TRAF3IP3: variants seen among roughly 807,000 people sequenced by gnomAD.
TRAF3IP3 encodes the protein TRAF3-interacting JNK-activating modulator.
TRAF3IP3 carries 64 observed loss-of-function variants against 86.5 expected under a neutral mutation model. The ratio of observed to expected loss-of-function variants is 0.74; its 90% CI spans 0.60 to 0.91. The LOEUF is 0.91. Among genes scored for constraint, TRAF3IP3 ranks in the 40% least tolerant of loss-of-function variants. The pLI is 0.00. For missense variants in TRAF3IP3, 579 were observed against 642.9 expected, an observed-to-expected ratio of 0.90 and a Z score of 1.07; for synonymous variants, 220 against 243.9, an observed-to-expected ratio of 0.90 and a Z score of 0.91.
At chr1:209,781,235 G>A (rs1291750655) in intron 15 of TRAF3IP3, 110 bp from the exon 16 acceptor site, 3 of 658,882 alleles carry the variant, frequency 4.6e-6, no homozygotes, top group Admixed American at 4.8e-5. Flanking sequence ...GGGAAGGGAA[G>A]ATGGTGGTAA....
intron 9 of TRAF3IP3, among the ~76,000 whole-genome samples, chr1:209,773,488 T>G (rs1558024563): frequency 1.3e-5 from 2 of 152,286 alleles, no homozygotes; most frequent in South Asian, 2.1e-4. Context: ...GCTCTTTTAC[T>G]TGGCTCTTCT....
chr1:209,781,220 TG>T (rs753251883), intron 15 of TRAF3IP3, 124 bp from the exon 16 acceptor site: 6 of 601,692 alleles, frequency 1.0e-5, no homozygotes, highest in Non-Finnish European at 1.8e-5. Context: ...TCCCTGAGAA[TG>T]GCTGGGAAGG....
chr1:209,772,677 C>A (rs1157696969), intron 8 of TRAF3IP3, among the ~76,000 whole-genome samples: 2 of 150,758 alleles, frequency 1.3e-5, no homozygotes, highest in Non-Finnish European at 2.9e-5. Flanking sequence ...TCCGGGGCCC[C>A]CCTGCTATGC....
At chr1:209,756,488 A>G (rs1310538106) in intron 1 of TRAF3IP3, among the ~76,000 whole-genome samples, 179 bp downstream of exon 1, 2 of 152,260 alleles carry the variant, frequency 1.3e-5, no homozygotes, top group African/African-American at 4.8e-5. Flanking sequence ...GGCGCTAGCC[A>G]TGGCACAGGG....
At chr1:209,772,176 A>G (rs1325043164) in intron 8 of TRAF3IP3, among the ~76,000 whole-genome samples, 1 of 152,074 alleles carries the variant, frequency 6.6e-6, no homozygotes, top group Non-Finnish European at 1.5e-5. Context: ...CTTCAAAAAC[A>G]AACTTATTTT....
At chr1:209,775,320 G>A (rs1346159773) in intron 9 of TRAF3IP3, 29 bp from the exon 10 acceptor site, 2 of 1,587,870 alleles carry the variant, frequency 1.3e-6, no homozygotes, top group Non-Finnish European at 1.7e-6. Context: ...AGCTCAATGT[G>A]TATTTGTTGA....
At chr1:209,764,731 G>A (rs1371693559) in intron 8 of TRAF3IP3, among the ~76,000 whole-genome samples, 3 of 134,132 alleles carry the variant, frequency 2.2e-5, no homozygotes, top group Non-Finnish European at 4.6e-5. Flanking sequence ...ACAAAAGAGC[G>A]AGACTCCATC....
At chr1:209,765,090 G>A (rs958000810) in intron 8 of TRAF3IP3, among the ~76,000 whole-genome samples, 11 of 151,810 alleles carry the variant, frequency 7.2e-5, no homozygotes, top group African/African-American at 2.7e-4. Flanking sequence ...CACGAGAATC[G>A]CTTGAGCCCA....
chr1:209,775,039 A>G (rs920661546), intron 9 of TRAF3IP3, among the ~76,000 whole-genome samples: 1 of 152,182 alleles, frequency 6.6e-6, no homozygotes, highest in Non-Finnish European at 1.5e-5. Context: ...TCACTGAGAT[A>G]GGAACCCCAA....
intron 8 of TRAF3IP3, 67 bp downstream of exon 8, chr1:209,763,654 C>G: frequency 4.6e-6 from 6 of 1,316,224 alleles, no homozygotes; most frequent in Non-Finnish European, 6.5e-6. Flanking sequence ...ATTTTTCTTT[C>G]CACATCATCA....
chr1:209,764,156 G>A (rs1472954885), intron 8 of TRAF3IP3, among the ~76,000 whole-genome samples: 1 of 152,134 alleles, frequency 6.6e-6, no homozygotes, highest in Non-Finnish European at 1.5e-5. Flanking sequence ...TCCATTCAAT[G>A]TACAATATTC....
intron 1 of TRAF3IP3, among the ~76,000 whole-genome samples, chr1:209,758,008 C>A (rs6665715): frequency 0.34 from 51,121 of 152,010 alleles, 11,190 homozygotes; most frequent in African/African-American, 0.63. Flanking sequence ...ACTCCAAGAG[C>A]CAGGGTTCTC....
At chr1:209,763,017 G>A (rs747165933) in intron 5 of TRAF3IP3, 51 bp from the exon 6 acceptor site, 3 of 1,608,956 alleles carry the variant, frequency 1.9e-6, no homozygotes, top group Non-Finnish European at 2.6e-6. Context: ...ACTGCCTCCT[G>A]ACTTGATTCT....
intron 8 of TRAF3IP3, among the ~76,000 whole-genome samples, chr1:209,772,371 G>A (rs1214926940): frequency 6.6e-6 from 1 of 152,028 alleles, no homozygotes; most frequent in Non-Finnish European, 1.5e-5. Flanking sequence ...CAGCTTAATG[G>A]CCTCATTTTA....
intron 8 of TRAF3IP3, chr1:209,768,693 A>C: frequency 2.0e-6 from 2 of 985,484 alleles, no homozygotes; most frequent in Non-Finnish European, 2.4e-6. Context: ...TCCTCTCTTC[A>C]CTGGGGTTTA....
intron 16 of TRAF3IP3, chr1:209,781,837 T>A (rs1160562568): frequency 3.5e-6 from 2 of 567,058 alleles, no homozygotes; most frequent in Non-Finnish European, 6.3e-6. Context: ...TATTTATATA[T>A]CTGGTCCCTG....
At chr1:209,771,801 G>C in intron 8 of TRAF3IP3, among the ~76,000 whole-genome samples, 1 of 135,724 alleles carries the variant, frequency 7.4e-6, no homozygotes, top group Non-Finnish European at 1.6e-5. Context: ...GCATATGCAG[G>C]TGTGCGTGTG....
chr1:209,772,086 C>T (rs963032656), intron 8 of TRAF3IP3, among the ~76,000 whole-genome samples: 1 of 151,790 alleles, frequency 6.6e-6, no homozygotes, highest in East Asian at 1.9e-4. Flanking sequence ...TGTGTGTGTG[C>T]ATGTGGAGGT....
intron 9 of TRAF3IP3, chr1:209,775,147 G>A (rs2077625592): frequency 1.7e-6 from 1 of 588,346 alleles, no homozygotes; most frequent in Non-Finnish European, 3.1e-6. Context: ...GAAGCCTAGG[G>A]CACTGTTTAT....
Sources: gnomAD v4.1 joint callset for allele counts (sites outside exome capture counted in the v4.1 genomes callset) on GRCh38, gnomAD v4.1.1 for gene constraint, MANE v1.5 for transcripts, NCBI Gene and HGNC (gene_info 2026-07-23, HGNC 2026-07-21) for gene names.